The following SORD variants were observed in gnomAD, a reference collection of about 807,000 sequenced individuals.
The protein encoded by SORD is sorbitol dehydrogenase, also known as (R,R)-butanediol dehydrogenase.
Under a neutral mutation model 35.6 loss-of-function variants are expected in SORD, and 18 were observed. The observed-to-expected ratio is 0.51, with a 90% CI of 0.35 to 0.75. The LOEUF (loss-of-function observed/expected upper bound fraction) is 0.75, where lower values mean the gene tolerates loss of function less well. Ranked by LOEUF, SORD falls within the 30% of genes least tolerant of loss-of-function variation. SORD has a pLI of 0.01. For synonymous variants in SORD, 106 were observed against 152.9 expected, an observed-to-expected ratio of 0.69 and a Z score of 2.26; for missense variants, 250 against 390.2, an observed-to-expected ratio of 0.64 and a Z score of 3.03.
chr15:45,045,488 G>A (rs1446147190), intron 3 of SORD, among the ~76,000 whole-genome samples: 4 of 135,328 alleles, frequency 3.0e-5, no homozygotes, highest in South Asian at 2.4e-4. Context: ...AGCTGAGATT[G>A]TGCCACTGCA....
intron 4 of SORD, among the ~76,000 whole-genome samples, chr15:45,062,374 C>A (rs1277707383): frequency 6.6e-6 from 1 of 152,172 alleles, no homozygotes; most frequent in Non-Finnish European, 1.5e-5. Context: ...TTCTGCGTGG[C>A]CCCCCATGGC....
At chr15:45,035,574 G>A (rs1198019428) in intron 1 of SORD, among the ~76,000 whole-genome samples, 1 of 152,102 alleles carries the variant, frequency 6.6e-6, no homozygotes, top group African/African-American at 2.4e-5. Flanking sequence ...ATGTGAGTGG[G>A]GCCAGATAAG....
chr15:45,055,975 T>C lies in SORD; in HGVS notation c.266-5092T>C, dbSNP rs1366697029. Among the ~76,000 whole-genome samples, 10 of 151,928 alleles carry C rather than the reference T, an allele frequency of 6.6e-5. No homozygotes were observed. In the East Asian group the frequency reaches 1.9e-3, roughly 29 times the overall value. On this transcript the variant is annotated intron_variant, in intron 3 of 8. Coordinates refer to ENST00000267814, the MANE Select transcript of SORD (RefSeq NM_003104.6). ...TAAAAACTCTCAATAAATTAGGTAT[T>C]GATGGGACGTATCTCAAAATAATAA...
At chr15:45,054,742 A>T (rs1364474455) in intron 3 of SORD, among the ~76,000 whole-genome samples, 32 of 152,056 alleles carry the variant, frequency 2.1e-4, no homozygotes, top group African/African-American at 7.7e-4. Context: ...CTGAATGGTA[A>T]TGCCTAGGTT....
At chr15:45,033,189 AGTTGTCCTC>A (rs1892812321) in intron 1 of SORD, among the ~76,000 whole-genome samples, 1 of 148,416 alleles carries the variant, frequency 6.7e-6, no homozygotes, top group Non-Finnish European at 1.5e-5. Context: ...ATGAGAATAC[AGTTGTCCTC>A]GGTATCCTGG....
At chr15:45,058,946 T>C (rs576473403) in intron 3 of SORD, among the ~76,000 whole-genome samples, 23 of 152,256 alleles carry the variant, frequency 1.5e-4, no homozygotes, top group South Asian at 8.3e-4. Context: ...TAAGCAAGCC[T>C]CCACCCCACC....
intron 1 of SORD, among the ~76,000 whole-genome samples, chr15:45,034,435 G>T (rs1892827682): frequency 6.6e-6 from 1 of 152,190 alleles, no homozygotes; most frequent in Admixed American, 6.5e-5. Flanking sequence ...TATGCAGGTG[G>T]AAGTAGAGGA....
At chr15:45,070,984 G>A (rs1469731511) in intron 7 of SORD, among the ~76,000 whole-genome samples, 1 of 152,226 alleles carries the variant, frequency 6.6e-6, no homozygotes, top group Non-Finnish European at 1.5e-5. Flanking sequence ...CATGACGGGT[G>A]CTGTAGAATG....
At chr15:45,039,410 G>A (rs931870117) in intron 1 of SORD, among the ~76,000 whole-genome samples, 3 of 152,342 alleles carry the variant, frequency 2.0e-5, no homozygotes, top group Middle Eastern at 3.4e-3. Context: ...TTACAGGCAT[G>A]AGACACTGTG....
intron 3 of SORD, among the ~76,000 whole-genome samples, chr15:45,059,837 A>C (rs1262712993): frequency 6.6e-6 from 1 of 152,192 alleles, no homozygotes; most frequent in Non-Finnish European, 1.5e-5. Flanking sequence ...TCTGAAAAGC[A>C]TTATGCTAAC....
intron 3 of SORD, among the ~76,000 whole-genome samples, chr15:45,052,297 G>T (rs893457665): frequency 6.6e-6 from 1 of 152,186 alleles, no homozygotes; most frequent in African/African-American, 2.4e-5. Context: ...TTGAATGGCT[G>T]TTCTCCCTGT....
At chr15:45,038,809 T>C (rs1402270663) in intron 1 of SORD, among the ~76,000 whole-genome samples, 1 of 152,206 alleles carries the variant, frequency 6.6e-6, no homozygotes, top group Non-Finnish European at 1.5e-5. Flanking sequence ...AAGTAGCTAG[T>C]TAGGCCCTTT....
chr15:45,062,291 A>G (rs1893329397), intron 4 of SORD, among the ~76,000 whole-genome samples: 1 of 152,222 alleles, frequency 6.6e-6, no homozygotes, highest in African/African-American at 2.4e-5. Context: ...CCCTGTGCCC[A>G]CTCCCCTACC....
chr15:45,068,964 C>T lies in SORD; in HGVS notation c.698C>T (p.Ala233Val), dbSNP rs369644886. 6.7e-5 allele frequency: 108 copies of T among 1,604,494 alleles called. No homozygotes were observed. Among genetic ancestry groups the T allele is most frequent in the Non-Finnish European group, 8.8e-5 (104 of 1,176,810 alleles). ...TCCAAGGAGAGCCCTCAGGAAATCGCCAGGAAAGTAGAAGGTCAGCTGGGG... is the reference window on the plus strand; with the variant it reads ...TCCAAGGAGAGCCCTCAGGAAATCGTCAGGAAAGTAGAAGGTCAGCTGGGG... ...QISKESPQEI[A>V]RKVEGQLGCK... is the part of the protein sequence containing the mutation. Residue 233 changes from alanine to valine, a missense_variant, in exon 7 of 9, where the codon GCC becomes GTC. Physicochemically the swap from Ala to Val is moderately conservative, Grantham distance 64. This residue lies in a region of SORD where 44 missense variants were observed against 54.5 expected (regional missense o/e 0.81). Transcript: ENST00000267814.
rs1220632580 is a variant in SORD at position 45,036,331 on chromosome 15, C to T, written c.67-4077C>T. 3 of 455,860 alleles carry T rather than the reference C, an allele frequency of 6.6e-6. No homozygotes were observed. The Admixed American group carries it at 7.1e-5, about 11-fold the overall frequency. 28.2% of individuals were successfully genotyped at this position (455,860 alleles called of 1,614,324 possible). Reference sequence around the variant, plus strand: ...ACTTGAAGTGAAATATTCTGGAAAACTCACACAACTATGGTAAAGAAGAAT... The same window carrying T: ...ACTTGAAGTGAAATATTCTGGAAAATTCACACAACTATGGTAAAGAAGAAT... On this transcript the variant is annotated intron_variant, in intron 1 of 8. Coordinates refer to ENST00000267814, the MANE Select transcript of SORD (RefSeq NM_003104.6).
At chr15:45,059,355 A>G (rs1235803008) in intron 3 of SORD, among the ~76,000 whole-genome samples, 1 of 152,080 alleles carries the variant, frequency 6.6e-6, no homozygotes, top group Non-Finnish European at 1.5e-5. Flanking sequence ...AAAACCAAAG[A>G]AACATGCACA....
chr15:45,071,603 G>C (rs1893514870), intron 7 of SORD, among the ~76,000 whole-genome samples: 1 of 152,046 alleles, frequency 6.6e-6, no homozygotes, highest in Non-Finnish European at 1.5e-5. Context: ...CCATTCTTCT[G>C]TCTCTCACCG....
chr15:45,061,845 G>A (rs1441610694), intron 4 of SORD, among the ~76,000 whole-genome samples: 1 of 151,930 alleles, frequency 6.6e-6, no homozygotes, highest in Non-Finnish European at 1.5e-5. Context: ...CTCCAGCCTG[G>A]GCAACAGACC....
At chr15:45,038,978 G>A (rs1892919869) in intron 1 of SORD, among the ~76,000 whole-genome samples, 1 of 152,146 alleles carries the variant, frequency 6.6e-6, no homozygotes, top group Non-Finnish European at 1.5e-5. Context: ...GTGGAAGCAG[G>A]CTTCATCCAC....
Sources: gnomAD v4.1 joint callset for allele counts (sites outside exome capture counted in the v4.1 genomes callset) on GRCh38, gnomAD v4.1.1 for gene constraint, gnomAD v4.1.1 regional missense constraint, MANE v1.5 for transcripts, NCBI Gene and HGNC (gene_info 2026-07-23, HGNC 2026-07-21) for gene names.